The following EP400 variants were observed in gnomAD, a reference collection of about 807,000 sequenced individuals.
EP400 encodes the protein E1A binding protein p400.
EP400 carries 105 observed loss-of-function variants against 354.1 expected under a neutral mutation model. That is an observed-to-expected ratio of 0.30 (90% CI 0.25 to 0.35). The LOEUF (loss-of-function observed/expected upper bound fraction) is 0.35, where lower values mean the gene tolerates loss of function less well. Among genes scored for constraint, EP400 ranks in the 10% least tolerant of loss-of-function variants. The pLI, the probability that EP400 is intolerant of heterozygous loss-of-function variation, is 1.00. For missense variants in EP400, 3,280 were observed against 4,121.0 expected (o/e 0.80, Z 5.59); for synonymous variants, 1,646 against 1,716.9 (o/e 0.96, Z 1.02).
rs1895938527 is a variant in EP400 at position 132,067,759 on chromosome 12, AGC to A, written c.8874+274_8874+275del. On this transcript the variant is annotated intron_variant, in intron 50 of 52. Transcript: ENST00000389561. The surrounding 1 kb of genome is among the most constrained non-coding windows in gnomAD (Gnocchi z 5.3). Reference sequence around the variant, plus strand: ...GAGGATGGCTGGGTGCCAGGTAAGAAGCCTGCATGGCATTGGGACAGACACAG... The same window carrying A: ...GAGGATGGCTGGGTGCCAGGTAAGAACTGCATGGCATTGGGACAGACACAG... Among the ~76,000 whole-genome samples, 1 of 149,724 alleles carries A rather than the reference AGC, an allele frequency of 6.7e-6. No individual in the cohort carries two copies. The highest frequency in any genetic ancestry group is 6.7e-5 in the Admixed American group (1 of 15,028).
intron 22 of EP400, 142 bp downstream of exon 22, chr12:132,020,360 C>T: frequency 3.2e-6 from 3 of 946,446 alleles, no homozygotes; most frequent in East Asian, 2.9e-5. Flanking sequence ...CTGAAGGTGC[C>T]TTGTTTAGTT....
In EP400 at chr12:132,058,353, ATTT is replaced by A. The variant is rs60226464; in HGVS notation, c.7884+3162_7884+3164del. Among the ~76,000 whole-genome samples, 1,021 of 129,492 alleles carry A rather than the reference ATTT, an allele frequency of 7.9e-3. 29 individuals carry two copies. In the South Asian group the frequency reaches 0.1, roughly 13 times the overall value. The allele number at this position is 129,492 out of a possible 152,430, so 85.0% of individuals were successfully genotyped here. The stretch of plus-strand genomic sequence containing the variant: ...CTTTGGATATTGGGCTAAAGATTGG[ATTT>A]TTTTTTTTTTTTTTTTGAGACAGAG... On this transcript the variant is annotated intron_variant, in intron 45 of 52. Coordinates refer to ENST00000389561, the MANE Select transcript of EP400 (RefSeq NM_015409.5).
At position 132,037,769 on chromosome 12, in the gene EP400, C is replaced by G; in HGVS notation, c.6039C>G (p.Asp2013Glu). Residue 2013 changes from aspartate to glutamate, a missense_variant, in exon 31 of 53, where the codon GAC becomes GAG. Coordinates refer to ENST00000389561, the MANE Select transcript of EP400 (RefSeq NM_015409.5). ...GAGAAGTGGCTGCTCAGGGAAATGA[C>G]TACTCCATGGCTTTCTTAACTCAGG... ...LIREVAAQGNDYSMAFLTQRT... is the reference protein window; with the variant it reads ...LIREVAAQGNEYSMAFLTQRT... 2 of 1,614,192 alleles carry G rather than the reference C, an allele frequency of 1.2e-6. No individual in the cohort carries two copies. Among genetic ancestry groups the G allele is most frequent in the Non-Finnish European group, 1.7e-6 (2 of 1,180,038 alleles).
Position 131,986,725 on chromosome 12 carries a change from C to A in EP400, c.2141C>A (p.Pro714His). Residue 714 changes from proline (P) to histidine (H), a missense_variant, in exon 6 of 53, where the codon CCC becomes CAC. Physicochemically the swap from Pro to His is moderately conservative, Grantham distance 77. This residue lies in a region of EP400 where 800 missense variants were observed against 840.0 expected (regional missense o/e 0.95). Transcript: ENST00000389561. The stretch of plus-strand genomic sequence containing the variant: ...ACCCCAGGGGTGGTGGCATCTGCCC[C>A]CACCAAACCACAGAGTCCTGCTCAG... ...SRTPGVVASAPTKPQSPAQNA... is the reference protein window; with the variant it reads ...SRTPGVVASAHTKPQSPAQNA... The A allele has an allele frequency of 6.2e-7, 1 of 1,614,204 alleles. No individual in the cohort carries two copies. Among genetic ancestry groups the A allele is most frequent in the Non-Finnish European group, 8.5e-7 (1 of 1,180,038 alleles).
intron 51 of EP400, chr12:132,076,314 G>A (rs1011566824): frequency 1.5e-6 from 1 of 679,074 alleles, no homozygotes; most frequent in African/African-American, 1.8e-5. Flanking sequence ...TGGCAAATTG[G>A]GGAGGCAGTC....
In EP400 at chr12:132,028,280, T is replaced by A. The variant is rs766792241; in HGVS notation, c.5373T>A (p.Val1791=). Residue 1791 remains valine, a synonymous_variant, in exon 27 of 53, where the codon GTT becomes GTA. Coordinates refer to ENST00000389561, the MANE Select transcript of EP400 (RefSeq NM_015409.5). The part of the protein sequence containing the change: ...LCRCGESLQD[V]IDRVAFVIPP... The stretch of plus-strand genomic sequence containing the variant: ...GGTGTGGAGAGTCTCTGCAGGATGT[T>A]ATTGACAGGTACTGCAGACCTCGTG... 6.2e-7 allele frequency: 1 copy of A among 1,613,332 alleles called. No homozygotes were observed. Among genetic ancestry groups the A allele is most frequent in the Non-Finnish European group, 8.5e-7 (1 of 1,179,278 alleles).
In EP400 at chr12:131,995,355, A is replaced by G. The variant is rs575819067; in HGVS notation, c.2827+399A>G. The stretch of plus-strand genomic sequence containing the variant: ...TTCATCTTGAGTGTGTGAGAACTTC[A>G]TACCAACGAATCCCACCACAGCTTG... On this transcript the variant is annotated intron_variant, in intron 12 of 52. Coordinates refer to ENST00000389561, the MANE Select transcript of EP400 (RefSeq NM_015409.5). Among the ~76,000 whole-genome samples, 5 of 151,230 alleles carry G rather than the reference A, an allele frequency of 3.3e-5. No homozygotes were observed. The South Asian group carries it at 1.1e-3, about 32-fold the overall frequency.
rs1010052201 is a variant in EP400, at chr12:132,079,749, C to T, written c.*2076C>T. 1.2e-4 allele frequency: 19 copies of T among 152,266 alleles called. No individual in the cohort carries two copies. Among genetic ancestry groups the T allele is most frequent in the African/African-American group, 3.9e-4 (16 of 41,478 alleles). The allele number at this position is 152,266 out of a possible 1,614,324, so 9.4% of individuals were successfully genotyped here. On this transcript the variant is annotated 3_prime_UTR_variant, in exon 53 of 53. Coordinates refer to ENST00000389561, the MANE Select transcript of EP400 (RefSeq NM_015409.5). The stretch of plus-strand genomic sequence containing the variant: ...ATGTGGAGTTTCCGCCCCGATCTCA[C>T]GTCAGTGAGGGTCTCCTGTCTCTCA...
In EP400 at chr12:131,960,804, T is replaced by G. The variant is rs1485132196; in HGVS notation, c.185T>G (p.Met62Arg). The G allele has an allele frequency of 1.2e-6, 2 of 1,612,060 alleles. No homozygotes were observed. The highest frequency in any genetic ancestry group is 1.7e-5 in the Admixed American group (1 of 59,752). Residue 62 changes from methionine to arginine, a missense_variant, in exon 2 of 53, where the codon ATG becomes AGG. Physicochemically the swap from Met to Arg is moderately conservative, Grantham distance 91 (BLOSUM62 -1). Around this residue, in one of 20 missense-constraint regions of EP400, gnomAD observed 172 missense variants for 242.9 expected, o/e 0.71. Coordinates refer to ENST00000389561, the MANE Select transcript of EP400 (RefSeq NM_015409.5). Reference protein sequence around the residue: ...QSPSYQIQQLMNRSPATGQNV... With the variant: ...QSPSYQIQQLRNRSPATGQNV... ...CCCAGTTATCAAATACAGCAGCTGATGAATAGGAGCCCTGCAACCGGGCAG... is the reference window on the plus strand; with the variant it reads ...CCCAGTTATCAAATACAGCAGCTGAGGAATAGGAGCCCTGCAACCGGGCAG...
intron 50 of EP400, 47 bp from the exon 51 acceptor site, chr12:132,069,448 G>GAGC (rs1216837528): frequency 6.3e-7 from 1 of 1,595,826 alleles, no homozygotes; most frequent in Non-Finnish European, 8.6e-7. Flanking sequence ...CGGGAGTCTT[G>GAGC]AGCGCGGCAT....
chr12:132,046,964 G>C (rs1476850291), intron 39 of EP400, among the ~76,000 whole-genome samples: 1 of 152,218 alleles, frequency 6.6e-6, no homozygotes, highest in African/African-American at 2.4e-5. Context: ...ACATCTTCTT[G>C]CATGGAACAG....
chr12:131,996,256 A>T (rs954523537), intron 12 of EP400, among the ~76,000 whole-genome samples: 1 of 149,796 alleles, frequency 6.7e-6, no homozygotes, highest in African/African-American at 2.5e-5. Context: ...ACTGTTGTTT[A>T]GAGTGGGGGT....
At chr12:132,030,189 A>T (rs916890146) in intron 29 of EP400, 31 bp downstream of exon 29, 2 of 1,612,042 alleles carry the variant, frequency 1.2e-6, no homozygotes, top group Non-Finnish European at 1.7e-6. Context: ...ATTGTCTCTG[A>T]TGGGTCAGTC....
chr12:132,017,754 T>C lies in EP400; in HGVS notation c.4110+33T>C. On this transcript the variant is annotated intron_variant, in intron 20 of 52. Transcript: ENST00000389561. The surrounding 1 kb of genome is among the most constrained non-coding windows in gnomAD (Gnocchi z 5.0). The stretch of plus-strand genomic sequence containing the variant: ...GAGGATCCAGAAAGCGGAATTACTG[T>C]TGGATATCTTTTCTAGGCACATTAT... 6.6e-7 allele frequency: 1 copy of C among 1,504,120 alleles called. No homozygotes were observed. Among genetic ancestry groups the C allele is most frequent in the Admixed American group, 2.3e-5 (1 of 42,560 alleles). 93.2% of individuals were successfully genotyped at this position (1,504,120 alleles called of 1,614,324 possible).
In EP400 at chr12:131,987,698, T is replaced by C. The variant is rs1280736919; in HGVS notation, c.2224-7T>C. 1.3e-5 allele frequency: 20 copies of C among 1,595,352 alleles called. No individual in the cohort carries two copies. In the South Asian group the frequency reaches 2.2e-4, roughly 17 times the overall value. Reference sequence around the variant, plus strand: ...CGACCCCACCATCCCCCATGTATCATCTACAGGAGAACCAGGTGCATCAGC... The same window carrying C: ...CGACCCCACCATCCCCCATGTATCACCTACAGGAGAACCAGGTGCATCAGC... On this transcript the variant is annotated splice_polypyrimidine_tract_variant and splice_region_variant and intron_variant, in intron 6 of 52. Transcript: ENST00000389561.
Position 132,038,189 on chromosome 12 carries a change from A to C in EP400, c.6207+93A>C. ...CCAGGGTTCTGGGTGCTCAGTCCCCACTCTTCCCTGGCCTGAAGCCCTCTT... is the reference window on the plus strand; with the variant it reads ...CCAGGGTTCTGGGTGCTCAGTCCCCCCTCTTCCCTGGCCTGAAGCCCTCTT... On this transcript the variant is annotated intron_variant, in intron 32 of 52. Coordinates refer to ENST00000389561, the MANE Select transcript of EP400 (RefSeq NM_015409.5). This position sits in a 1 kb window ranked among gnomAD's most constrained non-coding sequence, Gnocchi z 4.2. 1.3e-6 allele frequency: 2 copies of C among 1,521,660 alleles called. No homozygotes were observed. The highest frequency in any genetic ancestry group is 1.8e-6 in the Non-Finnish European group (2 of 1,118,590). 94.3% of individuals were successfully genotyped at this position (1,521,660 alleles called of 1,614,324 possible). A position where few individuals can be genotyped will look rare whatever the true frequency, so the allele number is the denominator to read the frequency against.
chr12:132,054,120 C>T lies in EP400; in HGVS notation c.7728+523C>T, dbSNP rs1345743369. On this transcript the variant is annotated intron_variant, in intron 43 of 52. Transcript: ENST00000389561. This position sits in a 1 kb window ranked among gnomAD's most constrained non-coding sequence, Gnocchi z 4.0. Reference sequence around the variant, plus strand: ...GGACTGTGGCCATGCACACCACGCTCTGGTGTATCTCTGTACTGTGTGCGT... The same window carrying T: ...GGACTGTGGCCATGCACACCACGCTTTGGTGTATCTCTGTACTGTGTGCGT... Among the ~76,000 whole-genome samples, 1 of 152,206 alleles carries T rather than the reference C, an allele frequency of 6.6e-6. No individual in the cohort carries two copies. Among genetic ancestry groups the T allele is most frequent in the African/African-American group, 2.4e-5 (1 of 41,460 alleles).
intron 2 of EP400, among the ~76,000 whole-genome samples, chr12:131,977,015 C>T (rs1324033787): frequency 1.3e-5 from 2 of 152,246 alleles, no homozygotes; most frequent in South Asian, 2.1e-4. Context: ...GGAAACCTTA[C>T]CGTGTTCTAT....
At position 132,011,526 on chromosome 12, in the gene EP400, G is replaced by C. The variant is rs1182879756; in HGVS notation, c.3333G>C (p.Val1111=). The C allele has an allele frequency of 3.7e-6, 6 of 1,613,490 alleles. No homozygotes were observed. Among genetic ancestry groups the C allele is most frequent in the Non-Finnish European group, 5.1e-6 (6 of 1,179,890 alleles). Residue 1111 remains valine (V), a synonymous_variant, in exon 16 of 53, where the codon GTG becomes GTC. Transcript: ENST00000389561. ...EGNWGPHLVV[V]RSCNILKWEL... ...ATTGGGGCCCCCATCTTGTTGTTGT[G>C]AGAAGTTGTAACATACTCAAGTGGG... is the stretch of plus-strand genomic sequence containing the variant.
Sources: gnomAD v4.1 joint callset for allele counts (sites outside exome capture counted in the v4.1 genomes callset) on GRCh38, gnomAD v4.1.1 for gene constraint, gnomAD v4.1.1 regional missense constraint, Gnocchi (gnomAD v3.1) non-coding constraint, MANE v1.5 for transcripts, NCBI Gene and HGNC (gene_info 2026-07-23, HGNC 2026-07-21) for gene names.